PROS1: variants seen among roughly 807,000 people sequenced by gnomAD.
The protein encoded by PROS1 is vitamin K-dependent protein S.
Under a neutral mutation model 75.9 loss-of-function variants are expected in PROS1, and 29 were observed. That is an observed-to-expected ratio of 0.38 (90% CI 0.28 to 0.52). The LOEUF is 0.52. Among genes scored for constraint, PROS1 ranks in the 20% least tolerant of loss-of-function variants. The pLI, the probability that PROS1 is intolerant of heterozygous loss-of-function variation, is 0.83. For missense variants in PROS1, 680 were observed against 810.3 expected (o/e 0.84, Z 1.95); for synonymous variants, 245 against 280.6 (o/e 0.87, Z 1.27).
intron 1 of PROS1, among the ~76,000 whole-genome samples, chr3:93,954,420 C>T (rs932240365): frequency 8.6e-5 from 13 of 151,998 alleles, no homozygotes; most frequent in African/African-American, 3.1e-4. Context: ...GAAATAATAC[C>T]ACACATCTAC....
chr3:93,901,076 T>G (rs1708586620), intron 6 of PROS1, 147 bp from the exon 7 acceptor site: 1 of 791,922 alleles, frequency 1.3e-6, no homozygotes, highest in Admixed American at 2.6e-5. Flanking sequence ...ATTAAATCTA[T>G]CATCATATGT....
intron 10 of PROS1, among the ~76,000 whole-genome samples, chr3:93,887,260 T>C (rs1372677096): frequency 6.6e-6 from 1 of 152,242 alleles, no homozygotes; most frequent in African/African-American, 2.4e-5. Context: ...ATATGTTCAC[T>C]ATTCTGTTAA....
chr3:93,936,682 G>T (rs1210878560), intron 1 of PROS1, among the ~76,000 whole-genome samples: 1 of 152,052 alleles, frequency 6.6e-6, no homozygotes, highest in Non-Finnish European at 1.5e-5. Context: ...AATTTCTATG[G>T]TTTAAGCCAT....
chr3:93,905,123 G>A (rs540393657), intron 6 of PROS1, among the ~76,000 whole-genome samples: 2 of 152,282 alleles, frequency 1.3e-5, no homozygotes, highest in Non-Finnish European at 2.9e-5. Context: ...CTATGGCTAT[G>A]TATCTTACTA....
In PROS1 at chr3:93,874,239, G is replaced by A. The variant is rs539986049; in HGVS notation, c.*6C>T. On this transcript the variant is annotated 3_prime_UTR_variant, in exon 15 of 15. Coordinates refer to ENST00000394236, the MANE Select transcript of PROS1 (RefSeq NM_000313.4). ...GAAAAGGTATTATAAGCAGAGAAAA[G>A]ATGCCTTAAGAATTCTTTGTCTTTT... 40 of 1,613,136 alleles carry A rather than the reference G, an allele frequency of 2.5e-5. No homozygotes were observed. Among genetic ancestry groups the A allele is most frequent in the Non-Finnish European group, 3.4e-5 (40 of 1,179,292 alleles).
At chr3:93,941,003 T>C (rs1709277827) in intron 1 of PROS1, among the ~76,000 whole-genome samples, 1 of 152,158 alleles carries the variant, frequency 6.6e-6, no homozygotes, top group South Asian at 2.1e-4. Flanking sequence ...ATTCCATTCT[T>C]GATCTTAACG....
At chr3:93,920,561 T>C (rs1488404767) in intron 3 of PROS1, among the ~76,000 whole-genome samples, 1 of 152,152 alleles carries the variant, frequency 6.6e-6, no homozygotes, top group African/African-American at 2.4e-5. Context: ...ATTTTGTCTA[T>C]GGATTCTATT....
At chr3:93,880,396 T>C (rs1708259584) in intron 12 of PROS1, among the ~76,000 whole-genome samples, 1 of 151,892 alleles carries the variant, frequency 6.6e-6, no homozygotes, top group African/African-American at 2.4e-5. Flanking sequence ...CAGCTACAAC[T>C]CGGGAGGCTT....
intron 10 of PROS1, among the ~76,000 whole-genome samples, chr3:93,887,258 A>G (rs1279675877): frequency 6.6e-6 from 1 of 152,196 alleles, no homozygotes; most frequent in Non-Finnish European, 1.5e-5. Context: ...CAATATGTTC[A>G]CTATTCTGTT....
At position 93,941,218 on chromosome 3, in the gene PROS1, A is replaced by G. The variant is rs561944292; in HGVS notation, c.77-13811T>C. ...ACCTTATTCAATATGTTGATGACCT[A>G]CTTTGTAGCCCTGCCTTTGAATCTT... is the stretch of plus-strand genomic sequence containing the variant. On this transcript the variant is annotated intron_variant, in intron 1 of 14. Coordinates refer to ENST00000394236, the MANE Select transcript of PROS1 (RefSeq NM_000313.4). Among the ~76,000 whole-genome samples, 20 of 152,082 alleles carry G rather than the reference A, an allele frequency of 1.3e-4. No homozygotes were observed. The East Asian group carries it at 3.9e-3, about 29-fold the overall frequency.
At chr3:93,934,911 C>T (rs1036750071) in intron 1 of PROS1, among the ~76,000 whole-genome samples, 2 of 151,722 alleles carry the variant, frequency 1.3e-5, no homozygotes, top group African/African-American at 4.8e-5. Context: ...TTAATTATAA[C>T]TTCAATTTAC....
chr3:93,912,421 G>A (rs1708771954), intron 3 of PROS1, among the ~76,000 whole-genome samples: 1 of 152,134 alleles, frequency 6.6e-6, no homozygotes, highest in Non-Finnish European at 1.5e-5. Flanking sequence ...ACAGTCACAA[G>A]TTCTAAGGAT....
intron 1 of PROS1, among the ~76,000 whole-genome samples, chr3:93,957,285 T>C (rs1279765031): frequency 1.3e-5 from 2 of 152,208 alleles, no homozygotes; most frequent in African/African-American, 4.8e-5. Context: ...TCTAAGAATA[T>C]ATATGTGTGG....
chr3:93,876,327 G>A (rs949243996), intron 14 of PROS1, among the ~76,000 whole-genome samples: 1 of 152,066 alleles, frequency 6.6e-6, no homozygotes, highest in Non-Finnish European at 1.5e-5. Context: ...CACTGCTCAC[G>A]CCTGTAATCC....
At chr3:93,929,546 T>C (rs571651053) in intron 1 of PROS1, among the ~76,000 whole-genome samples, 11 of 152,264 alleles carry the variant, frequency 7.2e-5, no homozygotes, top group Admixed American at 5.2e-4. Flanking sequence ...AATATGCAGT[T>C]GCTAAAAGGA....
intron 4 of PROS1, among the ~76,000 whole-genome samples, chr3:93,908,041 A>T (rs117717716): frequency 6.6e-6 from 1 of 152,212 alleles, no homozygotes; most frequent in East Asian, 1.9e-4. Flanking sequence ...CCAGCTACTC[A>T]GGAGTCTAAA....
intron 12 of PROS1, among the ~76,000 whole-genome samples, chr3:93,882,474 T>C (rs1708286452): frequency 6.6e-6 from 1 of 152,144 alleles, no homozygotes; most frequent in Admixed American, 6.5e-5. Context: ...ATGACTTTTC[T>C]TGAAACTATC....
chr3:93,880,173 T>C (rs1007191768), intron 12 of PROS1, among the ~76,000 whole-genome samples: 1 of 152,132 alleles, frequency 6.6e-6, no homozygotes, highest in African/African-American at 2.4e-5. Context: ...TAGCCACATA[T>C]AATGTCACTG....
At chr3:93,919,860 C>T (rs1327279290) in intron 3 of PROS1, among the ~76,000 whole-genome samples, 2 of 152,146 alleles carry the variant, frequency 1.3e-5, no homozygotes, top group African/African-American at 4.8e-5. Context: ...CTTACAGTAT[C>T]ATCTTTATCA....
Sources: gnomAD v4.1 joint callset for allele counts (sites outside exome capture counted in the v4.1 genomes callset) on GRCh38, gnomAD v4.1.1 for gene constraint, MANE v1.5 for transcripts, NCBI Gene and HGNC (gene_info 2026-07-23, HGNC 2026-07-21) for gene names.